The following FAM168B variants were observed in gnomAD, a reference collection of about 807,000 sequenced individuals.
FAM168B encodes family with sequence similarity 168 member B, also known as myelin-associated neurite-outgrowth inhibitor.
In FAM168B, 19 loss-of-function variants were observed where a neutral mutation model predicts 21.8. The ratio of observed to expected loss-of-function variants is 0.87; its 90% CI spans 0.61 to 1.28. The LOEUF is 1.28. Among genes scored for constraint, FAM168B ranks in the 50% most tolerant of loss-of-function variants. The pLI is 0.00. For synonymous variants in FAM168B, 126 were observed against 104.8 expected (o/e 1.20, Z -1.24); for missense variants, 233 against 263.1 (o/e 0.89, Z 0.79).
At chr2:131,075,471 C>T (rs1693099051) in intron 2 of FAM168B, among the ~76,000 whole-genome samples, 1 of 151,750 alleles carries the variant, frequency 6.6e-6, no homozygotes, top group Admixed American at 6.6e-5. Context: ...GTCTTCTTTG[C>T]TTAGTCCTTC....
At chr2:131,055,186 G>C in intron 5 of FAM168B, 86 bp downstream of exon 5, 1 of 1,292,918 alleles carries the variant, frequency 7.7e-7, no homozygotes, top group South Asian at 2.0e-5. Context: ...AAAACCTAGA[G>C]CCAAGGGTCA....
At chr2:131,075,843 G>A (rs570440430) in intron 2 of FAM168B, among the ~76,000 whole-genome samples, 96 of 152,152 alleles carry the variant, frequency 6.3e-4, no homozygotes, top group African/African-American at 1.7e-3. Context: ...AAACACACAC[G>A]ATAGTATTTA....
chr2:131,084,497 T>A lies in FAM168B; in HGVS notation c.-11-1840A>T, dbSNP rs573597643. On this transcript the variant is annotated intron_variant, in intron 1 of 6. Transcript: ENST00000389915. ...CTACAGGTGTGTGCCACCATGCCAC[T>A]CTAGTTTCCTGTATTTCTTCAAAAA... Among the ~76,000 whole-genome samples the A allele has an allele frequency of 3.3e-5, 5 of 152,104 alleles. No homozygotes were observed. In the South Asian group the frequency reaches 1.0e-3, roughly 32 times the overall value.
At chr2:131,079,733 C>A (rs1172266566) in intron 2 of FAM168B, among the ~76,000 whole-genome samples, 1 of 152,080 alleles carries the variant, frequency 6.6e-6, no homozygotes, top group East Asian at 1.9e-4. Flanking sequence ...ACAAAAAAAA[C>A]AAACACACCC....
chr2:131,072,368 C>A (rs1692916891), intron 2 of FAM168B, among the ~76,000 whole-genome samples: 1 of 152,184 alleles, frequency 6.6e-6, no homozygotes, highest in Admixed American at 6.5e-5. Flanking sequence ...AGTTGATCCA[C>A]CCGCCTCGGC....
chr2:131,055,029 T>C (rs1401755229), intron 5 of FAM168B, among the ~76,000 whole-genome samples: 2 of 152,158 alleles, frequency 1.3e-5, no homozygotes, highest in African/African-American at 2.4e-5. Flanking sequence ...ACATCCTGCA[T>C]TGCCAAATGG....
In FAM168B at chr2:131,072,464, T is replaced by A. The variant is rs116424802; in HGVS notation, c.71-526A>T. ...GATAGGTAACAATTATATATTTTATTTTTATTTATTTTTTGGAGGGGGACA... is the reference window on the plus strand; with the variant it reads ...GATAGGTAACAATTATATATTTTATATTTATTTATTTTTTGGAGGGGGACA... On this transcript the variant is annotated intron_variant, in intron 2 of 6. Transcript: ENST00000389915. Among the ~76,000 whole-genome samples the A allele has an allele frequency of 7.0e-3, 1,066 of 151,622 alleles. 11 individuals are homozygous for A. Among genetic ancestry groups the A allele is most frequent in the African/African-American group, 0.024 (986 of 41,302 alleles).
At chr2:131,078,197 C>T (rs1014221794) in intron 2 of FAM168B, among the ~76,000 whole-genome samples, 1 of 152,194 alleles carries the variant, frequency 6.6e-6, no homozygotes, top group African/African-American at 2.4e-5. Context: ...ACAATAAAAA[C>T]TGACGCACAG....
rs1178068558 is a variant in FAM168B at position 131,047,967 on chromosome 2, A to AG, written c.*4497dup. ...CGTGCTTTTGAGATTTTTAAATCTG[A>AG]GCTCATCTCATCAGATTGCATAAAA... On this transcript the variant is annotated 3_prime_UTR_variant, in exon 7 of 7. Transcript: ENST00000389915. 2 of 241,516 alleles carry AG rather than the reference A, an allele frequency of 8.3e-6. No individual in the cohort carries two copies. The highest frequency in any genetic ancestry group is 2.1e-4 in the East Asian group (2 of 9,390). The allele number at this position is 241,516 out of a possible 1,614,324, so 15.0% of individuals were successfully genotyped here.
At chr2:131,053,875 AAC>A (rs1425075567) in intron 5 of FAM168B, among the ~76,000 whole-genome samples, 4 of 152,236 alleles carry the variant, frequency 2.6e-5, no homozygotes, top group Non-Finnish European at 5.9e-5. Context: ...ACCCTGTCTC[AAC>A]AAAAAAAAGT....
intron 3 of FAM168B, among the ~76,000 whole-genome samples, chr2:131,057,977 T>A (rs1006557821): frequency 2.0e-5 from 3 of 152,048 alleles, no homozygotes; most frequent in African/African-American, 7.2e-5. Flanking sequence ...ATTGCAGGCA[T>A]GTGCCACCAC....
At chr2:131,073,997 G>A (rs1693008875) in intron 2 of FAM168B, among the ~76,000 whole-genome samples, 1 of 152,184 alleles carries the variant, frequency 6.6e-6, no homozygotes, top group Non-Finnish European at 1.5e-5. Flanking sequence ...TCAGAATCCT[G>A]GCCCCAAGGT....
At chr2:131,069,292 G>T (rs1033950754) in intron 3 of FAM168B, among the ~76,000 whole-genome samples, 1 of 152,236 alleles carries the variant, frequency 6.6e-6, no homozygotes, top group African/African-American at 2.4e-5. Flanking sequence ...AGTAACTTAC[G>T]TTATGGTGGT....
At position 131,049,079 on chromosome 2, in the gene FAM168B, T is replaced by C. The variant is rs1558921825; in HGVS notation, c.*3386A>G. 1 of 985,436 alleles carries C rather than the reference T, an allele frequency of 1.0e-6. No homozygotes were observed. The highest frequency in any genetic ancestry group is 1.2e-6 in the Non-Finnish European group (1 of 829,906). 61.0% of individuals were successfully genotyped at this position (985,436 alleles called of 1,614,324 possible). ...ATGTTGGCCTTTCACCAGCACTCAC[T>C]GGCACTCACAGGTGCCTTACATACC... On this transcript the variant is annotated 3_prime_UTR_variant, in exon 7 of 7. Transcript: ENST00000389915.
rs776271128 is a variant in FAM168B at position 131,049,811 on chromosome 2, G to C, written c.*2654C>G. 1 of 985,672 alleles carries C rather than the reference G, an allele frequency of 1.0e-6. No homozygotes were observed. 61.1% of individuals were successfully genotyped at this position (985,672 alleles called of 1,614,324 possible). On this transcript the variant is annotated 3_prime_UTR_variant, in exon 7 of 7. Coordinates refer to ENST00000389915, the MANE Select transcript of FAM168B (RefSeq NM_001009993.4). ...CTCAGAATGCTCCACCATATGCTTC[G>C]GGACAAATTATGAAGCTTTGTAACA...
In FAM168B at chr2:131,051,061, A is replaced by C. The variant is rs1434850179; in HGVS notation, c.*1404T>G. ...GATCCTAAACTCAAATTCCTCTCCC[A>C]CAATAAACCCTGCCAGCAAACGCAC... On this transcript the variant is annotated 3_prime_UTR_variant, in exon 7 of 7. Coordinates refer to ENST00000389915, the MANE Select transcript of FAM168B (RefSeq NM_001009993.4). 1 of 985,226 alleles carries C rather than the reference A, an allele frequency of 1.0e-6. No individual in the cohort carries two copies. The highest frequency in any genetic ancestry group is 1.2e-6 in the Non-Finnish European group (1 of 829,954). The allele number at this position is 985,226 out of a possible 1,614,324, so 61.0% of individuals were successfully genotyped here.
intron 2 of FAM168B, among the ~76,000 whole-genome samples, chr2:131,075,927 A>C (rs1693132993): frequency 1.3e-5 from 2 of 152,182 alleles, no homozygotes; most frequent in African/African-American, 4.8e-5. Flanking sequence ...AAAGACTCCC[A>C]ATCTCCTAGA....
At chr2:131,087,853 C>T (rs568347135) in intron 1 of FAM168B, among the ~76,000 whole-genome samples, 1 of 152,338 alleles carries the variant, frequency 6.6e-6, no homozygotes, top group East Asian at 1.9e-4. Context: ...CAGCATTATT[C>T]CTAACAGCCA....
chr2:131,069,860 C>CTT lies in FAM168B; in HGVS notation c.154+1993_154+1994dup, dbSNP rs577329026. Among the ~76,000 whole-genome samples the CTT allele has an allele frequency of 2.2e-5, 3 of 139,522 alleles. 1 individual carries two copies. In the East Asian group the frequency reaches 6.6e-4, roughly 31 times the overall value. 91.5% of individuals were successfully genotyped at this position (139,522 alleles called of 152,430 possible). On this transcript the variant is annotated intron_variant, in intron 3 of 6. Coordinates refer to ENST00000389915, the MANE Select transcript of FAM168B (RefSeq NM_001009993.4). ...CATAAAACGACTAACCCTCATCAAA[C>CTT]TTTTTTTTTTTTGGTTGAGACGGAG...
Sources: gnomAD v4.1 joint callset for allele counts (sites outside exome capture counted in the v4.1 genomes callset) on GRCh38, gnomAD v4.1.1 for gene constraint, MANE v1.5 for transcripts, NCBI Gene and HGNC (gene_info 2026-07-23, HGNC 2026-07-21) for gene names.